Variants in ADCY4 observed in about 807,000 individuals in gnomAD.
ADCY4 encodes adenylate cyclase type 4.
ADCY4 carries 111 observed loss-of-function variants against 125.5 expected under a neutral mutation model. The observed-to-expected ratio is 0.88, with a 90% CI of 0.76 to 1.04. The LOEUF (loss-of-function observed/expected upper bound fraction) is 1.04, where lower values mean the gene tolerates loss of function less well. Ranked by LOEUF, ADCY4 falls within the 50% of genes least tolerant of loss-of-function variation. The pLI is 0.00. For synonymous variants in ADCY4, 576 were observed against 586.9 expected, an observed-to-expected ratio of 0.98 and a Z score of 0.27; for missense variants, 1,256 against 1,382.9, an observed-to-expected ratio of 0.91 and a Z score of 1.46.
chr14:24,332,879 C>G lies in ADCY4; in HGVS notation c.269G>C (p.Arg90Pro), dbSNP rs557079628. Residue 90 changes from arginine (R) to proline (P), a missense_variant, in exon 2 of 25, where the codon CGT (arginine) becomes CCT (proline). By Grantham distance (103) the Arg-to-Pro change is moderately radical. Transcript: ENST00000418030. ...SREQRLQRWT[R>P]PLSGLVWVAL... Reference sequence around the variant, plus strand: ...GACCCATACCAAGCCGGACAGGGGACGCGTCCAGCGCTGCAGTCGCTGCTC... The same window carrying G: ...GACCCATACCAAGCCGGACAGGGGAGGCGTCCAGCGCTGCAGTCGCTGCTC... 1 of 1,605,424 alleles carries G rather than the reference C, an allele frequency of 6.2e-7. No individual in the cohort carries two copies. The highest frequency in any genetic ancestry group is 1.7e-5 in the Admixed American group (1 of 59,646).
Position 24,319,901 on chromosome 14 carries a change from G to A in ADCY4, c.2587-13C>T, listed in dbSNP as rs2041826760. On this transcript the variant is annotated splice_polypyrimidine_tract_variant and intron_variant, in intron 20 of 24. Coordinates refer to ENST00000418030, the MANE Select transcript of ADCY4 (RefSeq NM_001198568.2). This position sits in a 1 kb window ranked among gnomAD's most constrained non-coding sequence, Gnocchi z 4.5. ...GGTGGTAGAGATCCTGGGGGAACAG[G>A]AGACTGGAGTGAGGGGTGTGTGTCA... 6.2e-7 allele frequency: 1 copy of A among 1,612,094 alleles called. No individual in the cohort carries two copies. Among genetic ancestry groups the A allele is most frequent in the South Asian group, 1.1e-5 (1 of 91,010 alleles).
chr14:24,334,646 G>C lies in ADCY4; in HGVS notation c.7C>G (p.Arg3Gly). The C allele has an allele frequency of 6.5e-7, 1 of 1,547,048 alleles. No homozygotes were observed. Among genetic ancestry groups the C allele is most frequent in the Non-Finnish European group, 8.7e-7 (1 of 1,148,372 alleles). The change falls in exon 1 of 25, where the codon CGC (arginine) becomes GGC (glycine). Residue 3 changes from arginine to glycine, a missense_variant. Physicochemically the swap from Arg to Gly is moderately radical, Grantham distance 125. Coordinates refer to ENST00000418030, the MANE Select transcript of ADCY4 (RefSeq NM_001198568.2). ...GGGGGCGGCCGGGGGCTGAAGAGGC[G>C]GGCCATGATCTCCCCAGCCCCGAGC... MA[R>G]LFSPRPPPSE...
chr14:24,323,631 T>A, intron 16 of ADCY4, 177 bp from the exon 17 acceptor site: 1 of 1,424,480 alleles, frequency 7.0e-7, no homozygotes, highest in Non-Finnish European at 9.2e-7. Context: ...CGGGGAGGAG[T>A]TATGTGAGGG....
chr14:24,325,442 G>A lies in ADCY4; in HGVS notation c.1758C>T (p.Tyr586=). The A allele has an allele frequency of 6.2e-7, 1 of 1,613,812 alleles. No homozygotes were observed. The highest frequency in any genetic ancestry group is 8.5e-7 in the Non-Finnish European group (1 of 1,179,970). ...AAACCAGGAAGGTGCAGGCTTCATA[G>A]TATTTGAAGGCGGGGATTGCAGAGA... ...YRLSAIPAFK[Y]YEACTFLVFL... Residue 586 remains tyrosine (Y), a synonymous_variant, in exon 14 of 25, where the codon TAC becomes TAT. Transcript: ENST00000418030.
chr14:24,325,517 A>C (rs754426142), intron 13 of ADCY4, 43 bp from the exon 14 acceptor site: 23 of 1,541,802 alleles, frequency 1.5e-5, no homozygotes, highest in Non-Finnish European at 2.0e-5. Flanking sequence ...GTCCAGTGCT[A>C]CCCATCACCT....
rs1340604857 is a variant in ADCY4 at position 24,322,909 on chromosome 14, G to A, written c.2337C>T (p.Asp779=). The change falls in exon 18 of 25, where the codon GAC becomes GAT. Residue 779 remains aspartate, a synonymous_variant. Transcript: ENST00000418030. ...LIVRLYLGPL[D]SRPGVLKEPK... ...TGTCCAGCAGCTGTGCACACCTGGA[G>A]TCCAAGGGGCCCAGATAGAGGCGGA... The A allele has an allele frequency of 6.3e-7, 1 of 1,596,124 alleles. No homozygotes were observed.
At chr14:24,323,611 G>C in intron 16 of ADCY4, 157 bp from the exon 17 acceptor site, 1 of 1,444,550 alleles carries the variant, frequency 6.9e-7, no homozygotes, top group Middle Eastern at 2.6e-4. Context: ...TCAGCACTGG[G>C]GTCCTCACTC....
intron 10 of ADCY4, among the ~76,000 whole-genome samples, chr14:24,327,118 A>G (rs1159332326): frequency 2.0e-5 from 3 of 151,972 alleles, no homozygotes; most frequent in Non-Finnish European, 4.4e-5. Flanking sequence ...GCTGGTCTCA[A>G]ACTACTGACC....
chr14:24,328,878 A>G (rs551527061), intron 10 of ADCY4, 183 bp downstream of exon 10: 3 of 716,014 alleles, frequency 4.2e-6, no homozygotes, highest in East Asian at 2.7e-5. Context: ...CTTTCTCTAG[A>G]AGGAGGGGCA....
In ADCY4 at chr14:24,331,135, T is replaced by C; in HGVS notation, c.819-6A>G. ...CGATGTCAGCATACAGCACGCTGCA[T>C]AGGGCAGACTGTGTCAGCAGGGCCA... is the stretch of plus-strand genomic sequence containing the variant. On this transcript the variant is annotated splice_polypyrimidine_tract_variant and splice_region_variant and intron_variant, in intron 5 of 24. Transcript: ENST00000418030. 2 of 1,612,996 alleles carry C rather than the reference T, an allele frequency of 1.2e-6. No homozygotes were observed. Among genetic ancestry groups the C allele is most frequent in the Non-Finnish European group, 1.7e-6 (2 of 1,179,098 alleles).
chr14:24,325,371 T>C lies in ADCY4; in HGVS notation c.1823+6A>G, dbSNP rs761488680. The C allele has an allele frequency of 8.7e-6, 14 of 1,612,468 alleles. No homozygotes were observed. Among genetic ancestry groups the C allele is most frequent in the Non-Finnish European group, 1.2e-5 (14 of 1,179,106 alleles). On this transcript the variant is annotated splice_donor_region_variant and intron_variant, in intron 14 of 24. Transcript: ENST00000418030. ...CCAGGGCCTCCTTTGCCTGGGGCAC[T>C]CTCACCTGTTTGTCACTAGCATCTG...
At position 24,318,375 on chromosome 14, in the gene ADCY4, CAG is replaced by C. The variant is rs1371455524; in HGVS notation, c.*39_*40del. The C allele has an allele frequency of 6.2e-7, 1 of 1,602,410 alleles. No individual in the cohort carries two copies. Among genetic ancestry groups the C allele is most frequent in the Non-Finnish European group, 8.5e-7 (1 of 1,172,840 alleles). ...AGACATCAATGGGCTCCAGACACCC[CAG>C]AGTCTCTTTATTGAGGTTCTTAGAA... On this transcript the variant is annotated 3_prime_UTR_variant, in exon 25 of 25. Coordinates refer to ENST00000418030, the MANE Select transcript of ADCY4 (RefSeq NM_001198568.2).
In ADCY4 at chr14:24,328,273, ACT is replaced by A. The variant is rs1401704186; in HGVS notation, c.1524+786_1524+787del. ...CTTTCCCTGGGGGAGTTTAGAGAAG[ACT>A]CTGCTCCTCCACCTCTTGTGGAGGC... On this transcript the variant is annotated intron_variant, in intron 10 of 24. Transcript: ENST00000418030. Among the ~76,000 whole-genome samples, 10 of 149,562 alleles carry A rather than the reference ACT, an allele frequency of 6.7e-5. No individual in the cohort carries two copies. The South Asian group carries it at 8.5e-4, about 13-fold the overall frequency.
chr14:24,332,786 C>A lies in ADCY4; in HGVS notation c.357+5G>T. The stretch of plus-strand genomic sequence containing the variant: ...CCCCGCTGCCCCGCCTGCCGCCCCT[C>A]TCACCTGGTCCCAGGCGCTCACCAC... On this transcript the variant is annotated splice_donor_5th_base_variant and intron_variant, in intron 2 of 24. Transcript: ENST00000418030. 1.3e-6 allele frequency: 2 copies of A among 1,544,560 alleles called. No individual in the cohort carries two copies. The highest frequency in any genetic ancestry group is 8.8e-7 in the Non-Finnish European group (1 of 1,140,818).
At chr14:24,330,917 A>T in intron 6 of ADCY4, 101 bp downstream of exon 6, 1 of 1,036,008 alleles carries the variant, frequency 9.7e-7, no homozygotes, top group Non-Finnish European at 1.4e-6. Context: ...CATGCACTGA[A>T]GTGGGCCTGG....
intron 13 of ADCY4, among the ~76,000 whole-genome samples, 161 bp from the exon 14 acceptor site, chr14:24,325,635 C>T (rs1373155687): frequency 6.6e-6 from 1 of 150,760 alleles, no homozygotes; most frequent in East Asian, 1.9e-4. Flanking sequence ...ACCCTCCTTC[C>T]TCCCCCTACC....
Position 24,332,802 on chromosome 14 carries a change from C to T in ADCY4, c.346G>A (p.Ala116Thr). ...AFLFTGGVVS[A>T]WDQVSYFLFV... The stretch of plus-strand genomic sequence containing the variant: ...GCCGCCCCTCTCACCTGGTCCCAGG[C>T]GCTCACCACGCCCCCGGTGAACAGG... Residue 116 changes from alanine to threonine, a missense_variant, in exon 2 of 25, where the codon GCC becomes ACC. Ala to Thr is a moderately conservative substitution (Grantham distance 58). Coordinates refer to ENST00000418030, the MANE Select transcript of ADCY4 (RefSeq NM_001198568.2). 6.4e-7 allele frequency: 1 copy of T among 1,554,976 alleles called. No individual in the cohort carries two copies. Among genetic ancestry groups the T allele is most frequent in the Non-Finnish European group, 8.7e-7 (1 of 1,146,910 alleles).
chr14:24,319,224 CCCGCCCACCAGGGTGGGCCAGTG>C lies in ADCY4; in HGVS notation c.2842-35_2842-13del. The C allele has an allele frequency of 6.2e-7, 1 of 1,614,068 alleles. No homozygotes were observed. Among genetic ancestry groups the C allele is most frequent in the Admixed American group, 1.7e-5 (1 of 60,020 alleles). The stretch of plus-strand genomic sequence containing the variant: ...CTCCGTTCAGCATCCTGGCAATGGG[CCCGCCCACCAGGGTGGGCCAGTG>C]AGGGCACAGGAATAAGTCCCACTAA... On this transcript the variant is annotated splice_polypyrimidine_tract_variant and intron_variant, in intron 22 of 24. Coordinates refer to ENST00000418030, the MANE Select transcript of ADCY4 (RefSeq NM_001198568.2). This position sits in a 1 kb window ranked among gnomAD's most constrained non-coding sequence, Gnocchi z 4.5.
rs1410546673 is a variant in ADCY4, at chr14:24,331,194, A to G, written c.818+14T>C. The G allele has an allele frequency of 3.7e-6, 6 of 1,614,050 alleles. No homozygotes were observed. The highest frequency in any genetic ancestry group is 5.1e-6 in the Non-Finnish European group (6 of 1,179,922). ...GCCCACAGGCCCCTCCCCTCCAGCC[A>G]TTCTTCCTCATACCTGACTCCCTGG... On this transcript the variant is annotated intron_variant, in intron 5 of 24. Coordinates refer to ENST00000418030, the MANE Select transcript of ADCY4 (RefSeq NM_001198568.2).
Sources: gnomAD v4.1 joint callset for allele counts (sites outside exome capture counted in the v4.1 genomes callset) on GRCh38, gnomAD v4.1.1 for gene constraint, Gnocchi (gnomAD v3.1) non-coding constraint, MANE v1.5 for transcripts, NCBI Gene and HGNC (gene_info 2026-07-23, HGNC 2026-07-21) for gene names.